The following LIPJ variants were observed in gnomAD, a reference collection of about 807,000 sequenced individuals.
The protein encoded by LIPJ is lipase family member J.
In LIPJ, 33 loss-of-function variants were observed where a neutral mutation model predicts 39.8. The observed-to-expected ratio is 0.83, with a 90% CI of 0.63 to 1.11. The LOEUF is 1.11. LIPJ is among the 50% of genes least tolerant of loss of function. The pLI is 0.00. For synonymous variants in LIPJ, 128 were observed against 139.2 expected, an observed-to-expected ratio of 0.92 and a Z score of 0.57; for missense variants, 422 against 427.9, an observed-to-expected ratio of 0.99 and a Z score of 0.12.
intron 4 of LIPJ, chr10:88,591,897 G>C (rs1458666097): frequency 6.5e-6 from 1 of 153,952 alleles, no homozygotes; most frequent in Non-Finnish European, 1.4e-5. Context: ...ATAGCAGAGA[G>C]ATGAGGTTAG....
At chr10:88,620,625 AAAAAT>A in the LIPJ span, among the ~76,000 whole-genome samples, 6 of 152,174 alleles carry the variant, frequency 3.9e-5, no homozygotes, top group South Asian at 6.2e-4. Flanking sequence ...ATGGCTGAAA[AAAAAT>A]AACCTCACAA....
chr10:88,586,579 A>G (rs1372714936), upstream of LIPJ, among the ~76,000 whole-genome samples: 2 of 152,164 alleles, frequency 1.3e-5, no homozygotes, highest in East Asian at 3.9e-4. Flanking sequence ...CCATTAAATG[A>G]TGGAAAAATG....
At chr10:88,622,058 G>A in the LIPJ span, among the ~76,000 whole-genome samples, 1 of 152,172 alleles carries the variant, frequency 6.6e-6, no homozygotes, top group Non-Finnish European at 1.5e-5. Flanking sequence ...AGTGTTGACT[G>A]CTAAGAAATC....
At chr10:88,592,074 C>G (rs1333592886) in intron 4 of LIPJ, 2 of 151,706 alleles carry the variant, frequency 1.3e-5, no homozygotes, top group Non-Finnish European at 1.5e-5. Context: ...CAAATAAAAG[C>G]CAAGTATTTT....
At chr10:88,606,021 T>A (rs1851653863) in intron 10 of LIPJ, among the ~76,000 whole-genome samples, 1 of 152,168 alleles carries the variant, frequency 6.6e-6, no homozygotes, top group South Asian at 2.1e-4. Flanking sequence ...AAATAAGAAG[T>A]AAAAGGCATA....
At chr10:88,583,403 G>T, upstream of LIPJ, 2 of 1,372,340 alleles carry the variant, frequency 1.5e-6, no homozygotes, top group Non-Finnish European at 1.9e-6. Context: ...AGCAAACCTG[G>T]GGCTGCGGAG....
chr10:88,590,625 C>A, exon 3 of LIPJ: 1 of 1,352,842 alleles, frequency 7.4e-7, no homozygotes, highest in Non-Finnish European at 1.1e-6. Flanking sequence ...GTATTTTATC[C>A]GAATTCTTGG....
chr10:88,605,848 C>A, intron 10 of LIPJ, 144 bp downstream of exon 10: 1 of 594,496 alleles, frequency 1.7e-6, no homozygotes. Flanking sequence ...TATTTGGATA[C>A]GTATTGTCAC....
At chr10:88,610,933 G>A (rs1050450429), downstream of LIPJ, among the ~76,000 whole-genome samples, 3 of 152,210 alleles carry the variant, frequency 2.0e-5, no homozygotes, top group African/African-American at 7.2e-5. Context: ...AAACAGAGGA[G>A]AAAGTCTTTC....
At chr10:88,596,618 A>C (rs1398296172) in intron 7 of LIPJ, among the ~76,000 whole-genome samples, 172 bp from the exon 8 acceptor site, 1 of 151,686 alleles carries the variant, frequency 6.6e-6, no homozygotes. Flanking sequence ...GTGAGAAGAA[A>C]TTCAGTGGCC....
chr10:88,594,009 A>G lies in LIPJ; in HGVS notation c.194A>G (p.Asn65Ser), dbSNP rs768655888. Residue 65 changes from asparagine to serine, a missense_variant, in exon 5 of 11, where the codon AAT becomes AGT. By Grantham distance (46) the Asn-to-Ser change is conservative. Coordinates refer to ENST00000371939, the Ensembl canonical transcript of LIPJ. ...ACATCTGCCAGCAGCTGGATTTCCA[A>G]TCTTCCCAACAATAGTCTGGGCTTC... The G allele has an allele frequency of 1.4e-5, 22 of 1,612,218 alleles. 1 individual carries two copies. In the Admixed American group the frequency reaches 2.8e-4, roughly 21 times the overall value.
intron 8 of LIPJ, among the ~76,000 whole-genome samples, chr10:88,598,150 G>GAAC (rs1851325517): frequency 1.3e-5 from 2 of 151,980 alleles, no homozygotes; most frequent in African/African-American, 2.4e-5. Flanking sequence ...ATAGTTAATT[G>GAAC]TGAAACTGTG....
chr10:88,590,625 C>T lies in LIPJ; in HGVS notation c.-63C>T, dbSNP rs140040769. 1.6e-5 allele frequency: 21 copies of T among 1,352,842 alleles called. 1 individual carries two copies. The highest frequency in any genetic ancestry group is 1.8e-4 in the Middle Eastern group (1 of 5,460). The allele number at this position is 1,352,842 out of a possible 1,614,324, so 83.8% of individuals were successfully genotyped here. On this transcript the variant is annotated 5_prime_UTR_variant, in exon 3 of 11. An upstream open reading frame in the 5' UTR gains an earlier in-frame stop. Coordinates refer to ENST00000371939, the Ensembl canonical transcript of LIPJ. ...TCTTTTCACAATGATGTATTTTATC[C>T]GAATTCTTGGAATTACTCATGGTGT...
chr10:88,594,765 G>T (rs1564933103), exon 6 of LIPJ: 2 of 1,475,762 alleles, frequency 1.4e-6, no homozygotes, highest in Admixed American at 2.0e-5. Context: ...CATTCACAGG[G>T]TACTACTATT....
At chr10:88,584,697 A>C (rs1850847608), upstream of LIPJ, among the ~76,000 whole-genome samples, 1 of 152,174 alleles carries the variant, frequency 6.6e-6, no homozygotes, top group Non-Finnish European at 1.5e-5. Flanking sequence ...TCTTAGGCTC[A>C]AGCTATTCTC....
chr10:88,600,280 T>C (rs989384311), intron 8 of LIPJ, among the ~76,000 whole-genome samples: 8 of 152,162 alleles, frequency 5.3e-5, no homozygotes, highest in African/African-American at 1.9e-4. Context: ...CACTTGACAG[T>C]GGCCAACATC....
chr10:88,607,771 A>C (rs1414633493), downstream of LIPJ, among the ~76,000 whole-genome samples: 1 of 152,224 alleles, frequency 6.6e-6, no homozygotes, highest in African/African-American at 2.4e-5. Context: ...CAGGAGATGT[A>C]CACTAAACTC....
At chr10:88,594,420 T>C (rs1564932826) in intron 5 of LIPJ, 1 of 474,112 alleles carries the variant, frequency 2.1e-6, no homozygotes, top group Non-Finnish European at 3.7e-6. Context: ...ATAACTCATA[T>C]ATTTTGTCTA....
At chr10:88,615,583 GT>G in the LIPJ span, among the ~76,000 whole-genome samples, 2 of 130,186 alleles carry the variant, frequency 1.5e-5, no homozygotes, top group Admixed American at 1.8e-4. Context: ...AGCCAAGATT[GT>G]GCCACTGCAC....
Sources: allele counts gnomAD v4.1 joint callset (sites outside exome capture counted in the v4.1 genomes callset), GRCh38; gene constraint gnomAD v4.1.1; transcripts MANE v1.5; gene names NCBI Gene and HGNC (gene_info 2026-07-23, HGNC 2026-07-21).